CDKAL1: variants seen among roughly 807,000 people sequenced by gnomAD.
CDKAL1 encodes the protein threonylcarbamoyladenosine tRNA methylthiotransferase.
Under a neutral mutation model 68.2 loss-of-function variants are expected in CDKAL1, and 32 were observed. The ratio of observed to expected loss-of-function variants is 0.47; its 90% CI spans 0.35 to 0.63. CDKAL1 has a LOEUF of 0.63. Ranked by LOEUF, CDKAL1 falls within the 30% of genes least tolerant of loss-of-function variation. The probability of loss-of-function intolerance (pLI) is 0.00; values close to 1 mark genes in which losing one functional copy is unlikely to be tolerated. For missense variants in CDKAL1, 606 were observed against 696.7 expected, an observed-to-expected ratio of 0.87 and a Z score of 1.47; for synonymous variants, 234 against 244.3, an observed-to-expected ratio of 0.96 and a Z score of 0.39.
At chr6:21,221,033 G>T (rs1249191601) in intron 15 of CDKAL1, among the ~76,000 whole-genome samples, 1 of 151,942 alleles carries the variant, frequency 6.6e-6, no homozygotes, top group Admixed American at 6.5e-5. Context: ...TGGGCGTGGT[G>T]GCACATGCCT....
intron 5 of CDKAL1, among the ~76,000 whole-genome samples, chr6:20,738,286 T>A (rs1459029496): frequency 6.6e-6 from 1 of 152,126 alleles, no homozygotes; most frequent in Non-Finnish European, 1.5e-5. Context: ...GGCAAAGGAT[T>A]TGACTAGTTT....
At chr6:21,076,848 T>C (rs1401568868) in intron 12 of CDKAL1, among the ~76,000 whole-genome samples, 1 of 152,174 alleles carries the variant, frequency 6.6e-6, no homozygotes, top group African/African-American at 2.4e-5. Context: ...TCTGGACACA[T>C]CATTTTTGTT....
At chr6:20,839,360 A>G (rs1778084525) in intron 8 of CDKAL1, among the ~76,000 whole-genome samples, 1 of 152,212 alleles carries the variant, frequency 6.6e-6, no homozygotes, top group Non-Finnish European at 1.5e-5. Context: ...AAAAACAGTA[A>G]TGATAGTACA....
intron 8 of CDKAL1, among the ~76,000 whole-genome samples, chr6:20,790,514 A>G (rs1775854394): frequency 6.6e-6 from 1 of 152,066 alleles, no homozygotes; most frequent in African/African-American, 2.4e-5. Context: ...GTGACGCTGG[A>G]TTTTTCGTGG....
intron 11 of CDKAL1, among the ~76,000 whole-genome samples, chr6:21,063,971 T>C (rs1242144073): frequency 1.3e-5 from 2 of 152,176 alleles, no homozygotes; most frequent in East Asian, 3.8e-4. Flanking sequence ...TATTATCACA[T>C]TGAGCATAAA....
intron 5 of CDKAL1, among the ~76,000 whole-genome samples, chr6:20,721,051 T>C (rs912485442): frequency 2.6e-5 from 4 of 152,214 alleles, no homozygotes; most frequent in Non-Finnish European, 5.9e-5. Flanking sequence ...CATGTTGGTA[T>C]GCTGCACCCG....
chr6:20,913,348 C>T (rs1762562677), intron 9 of CDKAL1, among the ~76,000 whole-genome samples: 1 of 152,118 alleles, frequency 6.6e-6, no homozygotes, highest in Non-Finnish European at 1.5e-5. Flanking sequence ...GGATTCAGCT[C>T]CTTGTGAACT....
At chr6:20,569,941 G>C (rs1480747663) in intron 4 of CDKAL1, among the ~76,000 whole-genome samples, 1 of 152,158 alleles carries the variant, frequency 6.6e-6, no homozygotes, top group Non-Finnish European at 1.5e-5. Context: ...TTTAATACGT[G>C]TATCTGAGAG....
chr6:20,841,444 G>A (rs1275374415), intron 8 of CDKAL1, among the ~76,000 whole-genome samples: 1 of 152,228 alleles, frequency 6.6e-6, no homozygotes, highest in East Asian at 1.9e-4. Flanking sequence ...TACAAAAAAA[G>A]AATAGGTATG....
chr6:20,773,703 A>T (rs969457614), intron 7 of CDKAL1, among the ~76,000 whole-genome samples: 1 of 151,922 alleles, frequency 6.6e-6, no homozygotes, highest in African/African-American at 2.4e-5. Context: ...GCCTGCCACC[A>T]CGCCCAGCTA....
intron 8 of CDKAL1, among the ~76,000 whole-genome samples, chr6:20,816,294 A>G (rs940089500): frequency 3.3e-5 from 5 of 152,158 alleles, no homozygotes; most frequent in African/African-American, 1.2e-4. Flanking sequence ...AGTCAACCCA[A>G]TACAGCATTC....
intron 12 of CDKAL1, among the ~76,000 whole-genome samples, chr6:21,087,245 G>T (rs531243137): frequency 1.1e-4 from 17 of 152,172 alleles, no homozygotes; most frequent in Non-Finnish European, 2.2e-4. Context: ...TCTACGGGAG[G>T]ACTCTATATG....
intron 10 of CDKAL1, among the ~76,000 whole-genome samples, 168 bp downstream of exon 10, chr6:20,955,753 C>T (rs1160251748): frequency 1.3e-5 from 2 of 152,120 alleles, no homozygotes; most frequent in East Asian, 3.8e-4. Flanking sequence ...CCTTCTTTGG[C>T]AGGCAACACT....
intron 12 of CDKAL1, among the ~76,000 whole-genome samples, chr6:21,082,874 GT>G (rs71540612): frequency 0.012 from 1,548 of 129,124 alleles, 13 homozygotes; most frequent in African/African-American, 0.04. Context: ...TGTTTCTTTT[GT>G]TTTTTTTTTT....
intron 6 of CDKAL1, among the ~76,000 whole-genome samples, chr6:20,748,987 G>GTATATA (rs770005512): frequency 0.041 from 6,047 of 147,496 alleles, 131 homozygotes; most frequent in Middle Eastern, 0.082. Context: ...GTATATATAT[G>GTATATA]TATGTGTGTG....
chr6:20,660,417 G>A (rs1380581426), intron 5 of CDKAL1, among the ~76,000 whole-genome samples: 2 of 152,196 alleles, frequency 1.3e-5, no homozygotes, highest in African/African-American at 4.8e-5. Context: ...TTCTCCCAAG[G>A]TTGTAGTGAG....
At chr6:20,955,658 C>A in intron 10 of CDKAL1, 73 bp downstream of exon 10, 1 of 1,286,834 alleles carries the variant, frequency 7.8e-7, no homozygotes. Flanking sequence ...GCCTCAGTAT[C>A]ATCACATCAG....
At chr6:20,766,398 T>A (rs545753783) in intron 7 of CDKAL1, among the ~76,000 whole-genome samples, 1 of 152,270 alleles carries the variant, frequency 6.6e-6, no homozygotes, top group African/African-American at 2.4e-5. Flanking sequence ...TTTACTAGAT[T>A]TGATTGCCGT....
intron 13 of CDKAL1, among the ~76,000 whole-genome samples, chr6:21,145,612 T>C (rs901681394): frequency 2.0e-5 from 3 of 152,098 alleles, no homozygotes; most frequent in Admixed American, 1.3e-4. Context: ...GGGAATAGAG[T>C]GATATCAAGT....
Sources: gnomAD v4.1 joint callset for allele counts (sites outside exome capture counted in the v4.1 genomes callset) on GRCh38, gnomAD v4.1.1 for gene constraint, MANE v1.5 for transcripts, NCBI Gene and HGNC (gene_info 2026-07-23, HGNC 2026-07-21) for gene names.